USP12: variants seen among roughly 807,000 people sequenced by gnomAD.
The protein encoded by USP12 is ubiquitin carboxyl-terminal hydrolase 12.
In USP12, 19 loss-of-function variants were observed where a neutral mutation model predicts 45.5. That is an observed-to-expected ratio of 0.42 (90% CI 0.29 to 0.61). The LOEUF is 0.61. USP12 is among the 20% of genes least tolerant of loss of function. USP12 has a pLI of 0.22. For synonymous variants in USP12, 149 were observed against 148.8 expected (o/e 1.00, Z -0.01); for missense variants, 242 against 447.7 (o/e 0.54, Z 4.15).
At chr13:27,133,749 A>C (rs1314225794) in intron 1 of USP12, among the ~76,000 whole-genome samples, 1 of 152,242 alleles carries the variant, frequency 6.6e-6, no homozygotes, top group Non-Finnish European at 1.5e-5. Context: ...TTCACTAATA[A>C]TCACCAACAG....
chr13:27,117,595 T>C (rs1323830428), intron 1 of USP12, among the ~76,000 whole-genome samples: 2 of 151,028 alleles, frequency 1.3e-5, no homozygotes, highest in African/African-American at 4.9e-5. Flanking sequence ...AAAGAAAAAT[T>C]AGATTAACAT....
intron 6 of USP12, among the ~76,000 whole-genome samples, chr13:27,081,916 A>G (rs1254226010): frequency 6.6e-6 from 1 of 152,238 alleles, no homozygotes; most frequent in African/African-American, 2.4e-5. Flanking sequence ...AGCTTAAAAT[A>G]TTCAGTAAAT....
rs1016444721 is a variant in USP12 at position 27,075,113 on chromosome 13, T to A, written c.932+78A>T. 11 of 1,385,956 alleles carry A rather than the reference T, an allele frequency of 7.9e-6. No individual in the cohort carries two copies. The Admixed American group carries it at 1.1e-4, about 14-fold the overall frequency. The allele number at this position is 1,385,956 out of a possible 1,614,324, so 85.9% of individuals were successfully genotyped here. The stretch of plus-strand genomic sequence containing the variant: ...AATTTCTAAAAGTTCTATATATGAA[T>A]AATTCATGAACATCTTGAATGTACC... On this transcript the variant is annotated intron_variant, in intron 7 of 8. Transcript: ENST00000282344.
chr13:27,143,264 A>T (rs1877154798), intron 1 of USP12, among the ~76,000 whole-genome samples: 1 of 152,230 alleles, frequency 6.6e-6, no homozygotes, highest in Non-Finnish European at 1.5e-5. Flanking sequence ...GACACAAAAA[A>T]GAAGTAGGAG....
At chr13:27,088,158 C>T (rs1020366842) in intron 6 of USP12, among the ~76,000 whole-genome samples, 31 of 152,284 alleles carry the variant, frequency 2.0e-4, no homozygotes, top group Non-Finnish European at 3.2e-4. Context: ...CAGTGGCTCA[C>T]GCCTGTAATC....
chr13:27,151,329 GA>G (rs1215096507), intron 1 of USP12, among the ~76,000 whole-genome samples: 1 of 151,618 alleles, frequency 6.6e-6, no homozygotes, highest in Non-Finnish European at 1.5e-5. Flanking sequence ...AAGGAAAAGA[GA>G]AAAAAAATTA....
chr13:27,085,366 A>G (rs1873964313), intron 6 of USP12, among the ~76,000 whole-genome samples: 1 of 152,050 alleles, frequency 6.6e-6, no homozygotes, highest in Non-Finnish European at 1.5e-5. Context: ...TTTTCAGTAG[A>G]GACGGGGTTT....
At chr13:27,089,721 A>G (rs1315964231) in intron 6 of USP12, 162 bp downstream of exon 6, 2 of 634,942 alleles carry the variant, frequency 3.1e-6, no homozygotes, top group Non-Finnish European at 5.4e-6. Flanking sequence ...CATTGAGTAG[A>G]ATATCATTTA....
intron 1 of USP12, among the ~76,000 whole-genome samples, chr13:27,120,717 CA>C (rs765419572): frequency 1.3e-5 from 2 of 151,892 alleles, no homozygotes; most frequent in Non-Finnish European, 2.9e-5. Flanking sequence ...TGGAAGAAGA[CA>C]TTTTTTTCTG....
chr13:27,094,328 A>AC (rs1319630518), intron 4 of USP12, among the ~76,000 whole-genome samples: 2 of 152,176 alleles, frequency 1.3e-5, no homozygotes, highest in East Asian at 3.9e-4. Flanking sequence ...ACACAGCAAG[A>AC]CTCTGTCTCA....
intron 1 of USP12, among the ~76,000 whole-genome samples, chr13:27,122,048 G>A (rs1272610031): frequency 1.3e-5 from 2 of 151,100 alleles, no homozygotes; most frequent in Non-Finnish European, 3.0e-5. Flanking sequence ...TCAATGGTGT[G>A]GCCAGGCATG....
intron 1 of USP12, among the ~76,000 whole-genome samples, chr13:27,163,544 C>G (rs966636468): frequency 2.6e-5 from 4 of 152,044 alleles, no homozygotes; most frequent in African/African-American, 9.7e-5. Context: ...TCATTGCATG[C>G]ATTTGTTTTA....
intron 2 of USP12, among the ~76,000 whole-genome samples, chr13:27,109,912 CAAA>C (rs58500654): frequency 1.8e-5 from 2 of 108,374 alleles, no homozygotes; most frequent in South Asian, 3.1e-4. Flanking sequence ...ACTCTGTCTC[CAAA>C]AAAAAAAAAA....
In USP12 at chr13:27,066,755, T is replaced by C. The variant is rs1309041154; in HGVS notation, c.*2528A>G. 11 of 152,312 alleles carry C rather than the reference T, an allele frequency of 7.2e-5. No homozygotes were observed. Among genetic ancestry groups the C allele is most frequent in the Non-Finnish European group, 5.9e-5 (4 of 68,026 alleles). 9.4% of individuals were successfully genotyped at this position (152,312 alleles called of 1,614,324 possible). On this transcript the variant is annotated 3_prime_UTR_variant, in exon 9 of 9. Transcript: ENST00000282344. ...GCCATCCCAACAATCATGTACATAG[T>C]TACACGGCAATCAGCCACCACTTAC...
At chr13:27,094,531 A>G (rs527409186) in intron 4 of USP12, among the ~76,000 whole-genome samples, 2 of 152,228 alleles carry the variant, frequency 1.3e-5, no homozygotes, top group East Asian at 3.9e-4. Context: ...GAGAAACACC[A>G]CCACCTTGAC....
intron 1 of USP12, among the ~76,000 whole-genome samples, chr13:27,155,860 A>G (rs1877815684): frequency 6.6e-6 from 1 of 152,254 alleles, no homozygotes; most frequent in South Asian, 2.1e-4. Context: ...TAAATGTATG[A>G]CTTTCGGAAT....
rs1873070119 is a variant in USP12, at chr13:27,067,912, TTA to T, written c.*1369_*1370del. ...AAAACTGCAATCGTTTACATATATT[TTA>T]TGTTACATATATTACTTCTTAAAAC... On this transcript the variant is annotated 3_prime_UTR_variant, in exon 9 of 9. Coordinates refer to ENST00000282344, the MANE Select transcript of USP12 (RefSeq NM_182488.4). 1 of 152,202 alleles carries T rather than the reference TTA, an allele frequency of 6.6e-6. No homozygotes were observed. The highest frequency in any genetic ancestry group is 2.4e-5 in the African/African-American group (1 of 41,460). 9.4% of individuals were successfully genotyped at this position (152,202 alleles called of 1,614,324 possible).
chr13:27,134,462 G>T (rs966773396), intron 1 of USP12, among the ~76,000 whole-genome samples: 3 of 152,102 alleles, frequency 2.0e-5, no homozygotes, highest in Admixed American at 6.6e-5. Context: ...AACATACTTT[G>T]CCATGCCCAC....
intron 3 of USP12, among the ~76,000 whole-genome samples, chr13:27,103,945 G>A (rs538379275): frequency 2.0e-5 from 3 of 152,044 alleles, no homozygotes; most frequent in Non-Finnish European, 4.4e-5. Flanking sequence ...ATTGTATAAA[G>A]AGCCCATGTG....
Sources: gnomAD v4.1 joint callset for allele counts (sites outside exome capture counted in the v4.1 genomes callset) on GRCh38, gnomAD v4.1.1 for gene constraint, MANE v1.5 for transcripts, NCBI Gene and HGNC (gene_info 2026-07-23, HGNC 2026-07-21) for gene names.